Variants in ST7L observed in about 807,000 individuals in gnomAD.
ST7L encodes suppressor of tumorigenicity 7 protein-like.
ST7L carries 57 observed loss-of-function variants against 72.5 expected under a neutral mutation model. The ratio of observed to expected loss-of-function variants is 0.79; its 90% CI spans 0.64 to 0.98. ST7L has a LOEUF of 0.98. ST7L is among the 50% of genes least tolerant of loss of function. The probability of loss-of-function intolerance (pLI) is 0.00; values close to 1 mark genes in which losing one functional copy is unlikely to be tolerated. For synonymous variants in ST7L, 221 were observed against 240.9 expected, an observed-to-expected ratio of 0.92 and a Z score of 0.77; for missense variants, 576 against 672.2, an observed-to-expected ratio of 0.86 and a Z score of 1.58.
chr1:112,537,659 C>T (rs560323626), intron 14 of ST7L, among the ~76,000 whole-genome samples: 1 of 152,314 alleles, frequency 6.6e-6, no homozygotes, highest in Admixed American at 6.5e-5. Flanking sequence ...AATGACCTAC[C>T]ACTTAAAAGC....
In ST7L at chr1:112,528,470, G is replaced by A. The variant is rs1653810807; in HGVS notation, c.1630-2359C>T. On this transcript the variant is annotated intron_variant, in intron 14 of 14. Coordinates refer to ENST00000358039, the MANE Select transcript of ST7L (RefSeq NM_017744.5). ...GGCACCTATGGAAAAGCACAAGGAT[G>A]AGTCCATTTGTTACAGACCCAGGGA... 6 of 151,774 alleles carry A rather than the reference G, an allele frequency of 4.0e-5. 1 individual carries two copies. The South Asian group carries it at 1.3e-3, about 32-fold the overall frequency. 9.4% of individuals were successfully genotyped at this position (151,774 alleles called of 1,614,324 possible).
In ST7L at chr1:112,555,917, C is replaced by T; in HGVS notation, c.1347G>A (p.Trp449Ter). 1 of 1,612,008 alleles carries T rather than the reference C, an allele frequency of 6.2e-7. No individual in the cohort carries two copies. ...IAYAFFHLQH[W>*]KRIEGALNLL... ...GATTAAGAGCACCTTCTATTCGTTT[C>T]CAGTGCTGAAGATGAAAGAAAGCAT... Residue 449 changes from tryptophan to a stop codon, truncating the protein, a stop_gained, in exon 12 of 15, where the codon TGG becomes TGA. Coordinates refer to ENST00000358039, the MANE Select transcript of ST7L (RefSeq NM_017744.5). LOFTEE classifies it high-confidence loss of function.
chr1:112,612,846 G>A (rs567436240), intron 2 of ST7L, among the ~76,000 whole-genome samples: 2 of 152,036 alleles, frequency 1.3e-5, no homozygotes, highest in Non-Finnish European at 2.9e-5. Flanking sequence ...GGCCAGGCAC[G>A]GTGGCTCATG....
intron 13 of ST7L, among the ~76,000 whole-genome samples, chr1:112,544,362 T>C (rs1327075339): frequency 2.0e-5 from 3 of 152,236 alleles, no homozygotes; most frequent in Admixed American, 6.5e-5. Context: ...AGAAAGTATA[T>C]ACCAAAACAC....
At chr1:112,601,752 G>C (rs531179329) in intron 3 of ST7L, among the ~76,000 whole-genome samples, 1 of 152,186 alleles carries the variant, frequency 6.6e-6, no homozygotes, top group South Asian at 2.1e-4. Context: ...AGGGTAAGGA[G>C]TGTGAGGGAG....
rs1243221078 is a variant in ST7L, at chr1:112,577,106, A to G, written c.1143-18T>C. The G allele has an allele frequency of 6.7e-7, 1 of 1,501,774 alleles. No individual in the cohort carries two copies. The highest frequency in any genetic ancestry group is 1.3e-5 in the South Asian group (1 of 78,934). The allele number at this position is 1,501,774 out of a possible 1,614,324, so 93.0% of individuals were successfully genotyped here. ...GAGAGAATCTACAAGAAAACCACAA[A>G]ATGAAAAAATAAATATGCTAAAAAA... On this transcript the variant is annotated intron_variant, in intron 10 of 14. Transcript: ENST00000358039.
intron 14 of ST7L, among the ~76,000 whole-genome samples, chr1:112,531,630 T>C (rs1029360847): frequency 6.6e-6 from 1 of 152,226 alleles, no homozygotes; most frequent in Non-Finnish European, 1.5e-5. Context: ...ACTCATCTAT[T>C]GTGGCAATAG....
chr1:112,559,369 G>A (rs1357922584), intron 11 of ST7L, among the ~76,000 whole-genome samples: 1 of 151,838 alleles, frequency 6.6e-6, no homozygotes, highest in Non-Finnish European at 1.5e-5. Context: ...GAGTAGCTGG[G>A]ACTACAGGCA....
intron 6 of ST7L, among the ~76,000 whole-genome samples, chr1:112,585,199 G>C (rs999082252): frequency 5.9e-5 from 9 of 152,092 alleles, no homozygotes; most frequent in Admixed American, 2.6e-4. Context: ...ACAAAATGTT[G>C]TTATTCCATT....
rs141456795 is a variant in ST7L, at chr1:112,611,233, G to A, written c.289-230C>T. Among the ~76,000 whole-genome samples, 7 of 152,230 alleles carry A rather than the reference G, an allele frequency of 4.6e-5. No individual in the cohort carries two copies. In the East Asian group the frequency reaches 1.4e-3, roughly 29 times the overall value. On this transcript the variant is annotated intron_variant, in intron 2 of 14. Coordinates refer to ENST00000358039, the MANE Select transcript of ST7L (RefSeq NM_017744.5). The stretch of plus-strand genomic sequence containing the variant: ...TTTAGACAAGCTTAAGCAAAACTAG[G>A]CATATGTAATAAAGCATTAAAAACA...
chr1:112,582,180 G>T, intron 8 of ST7L, 74 bp from the exon 9 acceptor site: 1 of 1,179,956 alleles, frequency 8.5e-7, no homozygotes, highest in Non-Finnish European at 1.2e-6. Context: ...GATTCATTAA[G>T]TAGAAATTCT....
chr1:112,570,570 T>C (rs113520239), intron 11 of ST7L, among the ~76,000 whole-genome samples: 4,154 of 143,292 alleles, frequency 0.029, 125 homozygotes, highest in African/African-American at 0.063. Context: ...TATATATATA[T>C]ACACACACAC....
intron 3 of ST7L, among the ~76,000 whole-genome samples, chr1:112,609,869 C>T (rs1170688856): frequency 6.6e-6 from 1 of 152,116 alleles, no homozygotes; most frequent in Admixed American, 6.6e-5. Flanking sequence ...AATAGAGGAA[C>T]AGTCTACAAT....
Position 112,526,051 on chromosome 1 carries a change from C to G in ST7L, c.1690G>C (p.Asp564His). The change falls in exon 15 of 15, where the codon GAT becomes CAT. Residue 564 changes from aspartate (D) to histidine (H), a missense_variant. Transcript: ENST00000358039. The part of the protein sequence containing the change: ...ASSGFEENTQ[D>H]LKSEDLGLSS... ...AAACCTAGGTCTTCTGACTTCAAAT[C>G]CTGTGTATTCTCCTCAAAGCCTGAG... The G allele has an allele frequency of 1.2e-6, 2 of 1,614,176 alleles. No homozygotes were observed. Among genetic ancestry groups the G allele is most frequent in the Non-Finnish European group, 1.7e-6 (2 of 1,180,044 alleles).
At chr1:112,573,402 G>GC (rs1377177177) in intron 11 of ST7L, among the ~76,000 whole-genome samples, 1 of 148,340 alleles carries the variant, frequency 6.7e-6, no homozygotes, top group African/African-American at 2.5e-5. Flanking sequence ...AACTAATGCT[G>GC]CAAATACTAA....
intron 6 of ST7L, among the ~76,000 whole-genome samples, chr1:112,588,402 G>A (rs1665176856): frequency 6.6e-6 from 1 of 152,180 alleles, no homozygotes; most frequent in Non-Finnish European, 1.5e-5. Context: ...TCTTTCATCA[G>A]TAAGTACGTA....
rs71084479 is a variant in ST7L, at chr1:112,599,073, AATAT to A, written c.507-991_507-988del. Among the ~76,000 whole-genome samples the A allele has an allele frequency of 5.6e-3, 316 of 56,816 alleles. 12 individuals are homozygous for A. Among genetic ancestry groups the A allele is most frequent in the African/African-American group, 6.0e-3 (87 of 14,526 alleles). The allele number at this position is 56,816 out of a possible 152,430, so 37.3% of individuals were successfully genotyped here. A position where few individuals can be genotyped will look rare whatever the true frequency, so the allele number is the denominator to read the frequency against. On this transcript the variant is annotated intron_variant, in intron 4 of 14. Coordinates refer to ENST00000358039, the MANE Select transcript of ST7L (RefSeq NM_017744.5). ...AGACTCAGCCTCAAAAAAAAAAAAAAATATATATATATATATATATATATATATA... is the reference window on the plus strand; with the variant it reads ...AGACTCAGCCTCAAAAAAAAAAAAAAATATATATATATATATATATATATA...
rs1179556654 is a variant in ST7L at position 112,550,662 on chromosome 1, T to C, written c.1428A>G (p.Lys476=). The C allele has an allele frequency of 1.2e-6, 2 of 1,613,504 alleles. No individual in the cohort carries two copies. The highest frequency in any genetic ancestry group is 1.7e-6 in the Non-Finnish European group (2 of 1,179,632). Residue 476 remains lysine (K), a synonymous_variant, in exon 13 of 15, where the codon AAA becomes AAG. Coordinates refer to ENST00000358039, the MANE Select transcript of ST7L (RefSeq NM_017744.5). ...TGGGATAAGGGTAAAATAGATGTCC[T>C]TTCTCTAACGGGTATGGAATCATTC... ...TFRMIPYPLE[K]GHLFYPYPSC...
intron 12 of ST7L, among the ~76,000 whole-genome samples, chr1:112,552,676 T>C (rs1298535746): frequency 6.6e-6 from 1 of 152,142 alleles, no homozygotes; most frequent in Non-Finnish European, 1.5e-5. Flanking sequence ...AGTTCTGGGA[T>C]TACAGGCGTG....
Sources: gnomAD v4.1 joint callset for allele counts (sites outside exome capture counted in the v4.1 genomes callset) on GRCh38, gnomAD v4.1.1 for gene constraint, MANE v1.5 for transcripts, NCBI Gene and HGNC (gene_info 2026-07-23, HGNC 2026-07-21) for gene names.